CFDP1: variants seen among roughly 807,000 people sequenced by gnomAD.
CFDP1 encodes the protein chromatin remodeling protein CFDP1, also known as heterochromatin-stabilizing protein CFDP1.
A neutral mutation model predicts 40.1 loss-of-function variants in CFDP1; 31 were observed. The observed-to-expected ratio is 0.77, with a 90% CI of 0.58 to 1.04. The LOEUF (loss-of-function observed/expected upper bound fraction) is 1.04, where lower values mean the gene tolerates loss of function less well. CFDP1 is among the 50% of genes least tolerant of loss of function. The pLI is 0.00. For missense variants in CFDP1, 423 were observed against 343.4 expected (o/e 1.23, Z -1.83); for synonymous variants, 167 against 120.0 (o/e 1.39, Z -2.56).
At chr16:75,348,721 C>T (rs2078587492) in intron 5 of CFDP1, among the ~76,000 whole-genome samples, 1 of 152,110 alleles carries the variant, frequency 6.6e-6, no homozygotes, top group African/African-American at 2.4e-5. Flanking sequence ...TATTATCTTT[C>T]AATCCATGAA....
At chr16:75,340,046 C>A (rs1347075800) in intron 5 of CFDP1, among the ~76,000 whole-genome samples, 1 of 152,168 alleles carries the variant, frequency 6.6e-6, no homozygotes, top group African/African-American at 2.4e-5. Flanking sequence ...CTCAATAGGA[C>A]AGACTCCTCT....
intron 5 of CFDP1, chr16:75,321,771 G>C (rs1318720486): frequency 6.6e-6 from 1 of 152,170 alleles, no homozygotes; most frequent in Non-Finnish European, 1.5e-5. Flanking sequence ...ACATCTCTCA[G>C]TTGGTATCTA....
chr16:75,298,343 T>G (rs1171429691), intron 6 of CFDP1, among the ~76,000 whole-genome samples: 1 of 151,754 alleles, frequency 6.6e-6, no homozygotes, highest in Non-Finnish European at 1.5e-5. Context: ...CCCAATGGAG[T>G]GCTGACCCGA....
At chr16:75,432,984 T>G (rs982240119) in intron 1 of CFDP1, among the ~76,000 whole-genome samples, 1 of 152,134 alleles carries the variant, frequency 6.6e-6, no homozygotes, top group Non-Finnish European at 1.5e-5. Flanking sequence ...GAAGCAGCGG[T>G]GTCGTTCGGG....
intron 5 of CFDP1, among the ~76,000 whole-genome samples, chr16:75,338,372 G>C (rs2078504462): frequency 6.6e-6 from 1 of 152,178 alleles, no homozygotes; most frequent in African/African-American, 2.4e-5. Flanking sequence ...AGGAACCAAT[G>C]GGTTCTAGTG....
intron 5 of CFDP1, among the ~76,000 whole-genome samples, chr16:75,316,532 T>C (rs1470714628): frequency 1.5e-5 from 2 of 130,076 alleles, no homozygotes; most frequent in Non-Finnish European, 3.1e-5. Flanking sequence ...ATCGTGCCAC[T>C]GCACTCCAGC....
chr16:75,355,213 T>C (rs1439071216), intron 5 of CFDP1, among the ~76,000 whole-genome samples: 2 of 152,174 alleles, frequency 1.3e-5, no homozygotes, highest in African/African-American at 2.4e-5. Context: ...ATCAGGGTAG[T>C]GGTTGCTGAA....
intron 6 of CFDP1, among the ~76,000 whole-genome samples, chr16:75,297,145 CTTGTGTGTGTGTGTGTGTGTCTGT>C (rs1248605379): frequency 7.2e-6 from 1 of 139,058 alleles, no homozygotes; most frequent in African/African-American, 2.7e-5. Flanking sequence ...CTTCCCATTT[CTTGTGTGTGTGTGTGTGTGTCTGT>C]GTGTGTGTGT....
chr16:75,419,617 G>A (rs1450334569), intron 1 of CFDP1, among the ~76,000 whole-genome samples: 2 of 152,170 alleles, frequency 1.3e-5, no homozygotes, highest in Non-Finnish European at 2.9e-5. Context: ...TTCCCAGGAG[G>A]TTAAGGCATT....
At position 75,395,314 on chromosome 16, in the gene CFDP1, A is replaced by G. The variant is rs76974965; in HGVS notation, c.531-105T>C. 5.9e-3 allele frequency: 7,011 copies of G among 1,191,576 alleles called. 319 individuals are homozygous for G. In the African/African-American group the frequency reaches 0.094, roughly 16 times the overall value. 73.8% of individuals were successfully genotyped at this position (1,191,576 alleles called of 1,614,324 possible). A position where few individuals can be genotyped will look rare whatever the true frequency, so the allele number is the denominator to read the frequency against. Reference sequence around the variant, plus strand: ...TAGAAAAAGATCCACTCGGCTTCCAATAAATTCTGGACGCTCAGCATTATG... The same window carrying G: ...TAGAAAAAGATCCACTCGGCTTCCAGTAAATTCTGGACGCTCAGCATTATG... On this transcript the variant is annotated intron_variant, in intron 4 of 6. Coordinates refer to ENST00000283882, the MANE Select transcript of CFDP1 (RefSeq NM_006324.3).
intron 5 of CFDP1, among the ~76,000 whole-genome samples, chr16:75,308,022 G>A (rs1445045138): frequency 6.6e-6 from 1 of 152,148 alleles, no homozygotes; most frequent in East Asian, 1.9e-4. Context: ...GCACTAGATG[G>A]TTCTGGGCAA....
chr16:75,421,060 T>A (rs775695034), intron 1 of CFDP1, among the ~76,000 whole-genome samples: 5 of 151,864 alleles, frequency 3.3e-5, no homozygotes, highest in Non-Finnish European at 4.4e-5. Context: ...TGGGAGGGGG[T>A]CCCTGGAGAA....
At position 75,362,282 on chromosome 16, in the gene CFDP1, T is replaced by C. The variant is rs952559361; in HGVS notation, c.650+32808A>G. Among the ~76,000 whole-genome samples, 37 of 152,262 alleles carry C rather than the reference T, an allele frequency of 2.4e-4. 1 individual carries two copies. The highest frequency in any genetic ancestry group is 8.9e-4 in the African/African-American group (37 of 41,542). Reference sequence around the variant, plus strand: ...TATGGCCTATGGTGTAGCATCCTACTTTGGGTAGAAAGGCGGGGCCCAGCT... The same window carrying C: ...TATGGCCTATGGTGTAGCATCCTACCTTGGGTAGAAAGGCGGGGCCCAGCT... On this transcript the variant is annotated intron_variant, in intron 5 of 6. Coordinates refer to ENST00000283882, the MANE Select transcript of CFDP1 (RefSeq NM_006324.3).
chr16:75,428,163 T>C (rs1456548817), intron 1 of CFDP1, among the ~76,000 whole-genome samples: 2 of 151,098 alleles, frequency 1.3e-5, no homozygotes, highest in East Asian at 3.9e-4. Flanking sequence ...GTTGACGGCT[T>C]GAAACTGTTC....
At chr16:75,398,781 C>CACA (rs1408141306) in intron 4 of CFDP1, among the ~76,000 whole-genome samples, 3 of 102,980 alleles carry the variant, frequency 2.9e-5, no homozygotes, top group African/African-American at 8.6e-5. Context: ...GAAGGCTGGG[C>CACA]GTGGTGGTCA....
intron 5 of CFDP1, among the ~76,000 whole-genome samples, chr16:75,360,277 AC>A (rs71134704): frequency 0.52 from 78,232 of 151,592 alleles, 21,223 homozygotes; most frequent in Admixed American, 0.64. Context: ...GGGCAAAAAA[AC>A]AATAAAGACC....
chr16:75,333,850 G>T (rs2078465800), intron 5 of CFDP1, among the ~76,000 whole-genome samples: 1 of 152,180 alleles, frequency 6.6e-6, no homozygotes, highest in Non-Finnish European at 1.5e-5. Context: ...CCACATTCTG[G>T]TTTTTAAGAC....
At chr16:75,339,065 T>C (rs572329215) in intron 5 of CFDP1, among the ~76,000 whole-genome samples, 1 of 152,286 alleles carries the variant, frequency 6.6e-6, no homozygotes, top group African/African-American at 2.4e-5. Flanking sequence ...TCTCCCATTA[T>C]TTCATTGGTT....
At position 75,384,852 on chromosome 16, in the gene CFDP1, CTA is replaced by C. The variant is rs59681577; in HGVS notation, c.650+10236_650+10237del. On this transcript the variant is annotated intron_variant, in intron 5 of 6. Transcript: ENST00000283882. ...TACAAGTTGCAAGAAGAAACTAAAA[CTA>C]TATATATATATATATATATATATAT... Among the ~76,000 whole-genome samples the C allele has an allele frequency of 5.5e-3, 648 of 118,852 alleles. 6 individuals are homozygous for C. The highest frequency in any genetic ancestry group is 9.1e-3 in the African/African-American group (252 of 27,628). The allele number at this position is 118,852 out of a possible 152,430, so 78.0% of individuals were successfully genotyped here.
Sources: gnomAD v4.1 joint callset for allele counts (sites outside exome capture counted in the v4.1 genomes callset) on GRCh38, gnomAD v4.1.1 for gene constraint, MANE v1.5 for transcripts, NCBI Gene and HGNC (gene_info 2026-07-23, HGNC 2026-07-21) for gene names.